Variants in PPP2R2B observed in about 807,000 individuals in gnomAD.
PPP2R2B encodes serine/threonine-protein phosphatase 2A 55 kDa regulatory subunit B beta isoform.
In PPP2R2B, 5 loss-of-function variants were observed where a neutral mutation model predicts 46.0. That is an observed-to-expected ratio of 0.11 (90% CI 0.06 to 0.23). The LOEUF is 0.23. Ranked by LOEUF, PPP2R2B falls within the 10% of genes least tolerant of loss-of-function variation. PPP2R2B has a pLI of 1.00. For synonymous variants in PPP2R2B, 215 were observed against 206.7 expected, an observed-to-expected ratio of 1.04 and a Z score of -0.34; for missense variants, 367 against 575.0, an observed-to-expected ratio of 0.64 and a Z score of 3.70.
At chr5:146,996,517 T>C (rs1183013487) in intron 1 of PPP2R2B, among the ~76,000 whole-genome samples, 4 of 152,106 alleles carry the variant, frequency 2.6e-5, no homozygotes, top group African/African-American at 9.7e-5. Flanking sequence ...CTGTTGGCAC[T>C]AGGCAGCTCC....
intron 2 of PPP2R2B, among the ~76,000 whole-genome samples, chr5:146,806,646 T>A (rs571469917): frequency 6.6e-6 from 1 of 152,286 alleles, no homozygotes; most frequent in African/African-American, 2.4e-5. Flanking sequence ...GGTGCTGTGA[T>A]ATAATGGAAG....
Position 146,946,342 on chromosome 5 carries a change from C to A in PPP2R2B, c.79+109323G>T, listed in dbSNP as rs564454515. 2.6e-5 allele frequency among the ~76,000 whole-genome samples: 4 copies of A among 152,230 alleles called. 1 individual carries two copies. In the South Asian group the frequency reaches 8.3e-4, roughly 32 times the overall value. On this transcript the variant is annotated intron_variant, in intron 1 of 8. Transcript: ENST00000336640. ...CACTGCTTGGAGTATGATAGGACAA[C>A]AGCAAGAGCTCACATGCCAAGTGAT...
In PPP2R2B at chr5:146,934,027, C is replaced by G. The variant is rs1046172115; in HGVS notation, c.79+121638G>C. On this transcript the variant is annotated intron_variant, in intron 1 of 8. Coordinates refer to the PPP2R2B transcript ENST00000336640. The stretch of plus-strand genomic sequence containing the variant: ...GACATGAACTCATCGTTTTTTATGG[C>G]TGCATAGTATTCCATGGTGTATATG... Among the ~76,000 whole-genome samples the G allele has an allele frequency of 8.8e-4, 134 of 152,192 alleles. 2 individuals carry two copies. Among genetic ancestry groups the G allele is most frequent in the African/African-American group, 3.0e-3 (125 of 41,528 alleles).
chr5:146,825,843 C>CT (rs1245567622), intron 2 of PPP2R2B, among the ~76,000 whole-genome samples: 2 of 152,258 alleles, frequency 1.3e-5, no homozygotes, highest in South Asian at 2.1e-4. Flanking sequence ...TATCATGCCA[C>CT]TTTTTTTGTT....
At chr5:146,738,317 ACT>A (rs1387332837) in intron 2 of PPP2R2B, among the ~76,000 whole-genome samples, 7 of 147,740 alleles carry the variant, frequency 4.7e-5, no homozygotes, top group Non-Finnish European at 1.0e-4. Flanking sequence ...AACGGCATGA[ACT>A]TGGGAGGCGG....
intron 1 of PPP2R2B, among the ~76,000 whole-genome samples, chr5:146,893,011 G>A (rs566031516): frequency 5.1e-4 from 78 of 152,224 alleles, no homozygotes; most frequent in African/African-American, 1.9e-3. Context: ...CAAACCCTAT[G>A]CGCAGAAACA....
chr5:146,717,294 G>T (rs894202813), intron 2 of PPP2R2B, among the ~76,000 whole-genome samples: 1 of 152,140 alleles, frequency 6.6e-6, no homozygotes, highest in Non-Finnish European at 1.5e-5. Flanking sequence ...ATACCTCCAA[G>T]GACTCTATTT....
At chr5:146,812,980 T>A (rs146024041) in intron 2 of PPP2R2B, among the ~76,000 whole-genome samples, 3,956 of 149,316 alleles carry the variant, frequency 0.026, 53 homozygotes, top group Middle Eastern at 0.041. Context: ...CAATTCAAGA[T>A]GAGATTTGGG....
intron 1 of PPP2R2B, among the ~76,000 whole-genome samples, chr5:146,923,773 A>G (rs909382533): frequency 3.9e-5 from 6 of 152,214 alleles, no homozygotes; most frequent in African/African-American, 1.4e-4. Flanking sequence ...ATGCACACAT[A>G]TGTTTATTGC....
At chr5:146,872,431 A>G (rs1449385336) in intron 2 of PPP2R2B, among the ~76,000 whole-genome samples, 2 of 152,346 alleles carry the variant, frequency 1.3e-5, no homozygotes, top group Middle Eastern at 3.4e-3. Flanking sequence ...TACCAAAGCA[A>G]CTTAAGGAAC....
chr5:146,735,934 A>C (rs1221001706), intron 2 of PPP2R2B, among the ~76,000 whole-genome samples: 1 of 152,196 alleles, frequency 6.6e-6, no homozygotes, highest in East Asian at 1.9e-4. Context: ...TGATTGCATA[A>C]AATAGACTGT....
At chr5:146,713,601 T>A (rs887910304) in intron 2 of PPP2R2B, among the ~76,000 whole-genome samples, 6 of 152,112 alleles carry the variant, frequency 3.9e-5, no homozygotes, top group African/African-American at 1.4e-4. Flanking sequence ...GGGAAGTGTA[T>A]TGAGATAATC....
chr5:146,741,658 G>A (rs1356113305), intron 2 of PPP2R2B, among the ~76,000 whole-genome samples: 2 of 152,192 alleles, frequency 1.3e-5, no homozygotes, highest in Non-Finnish European at 2.9e-5. Flanking sequence ...AAGAAGGACT[G>A]CGTCACCACC....
chr5:146,929,831 T>C (rs1203626930), intron 1 of PPP2R2B, among the ~76,000 whole-genome samples: 1 of 152,196 alleles, frequency 6.6e-6, no homozygotes, highest in South Asian at 2.1e-4. Context: ...TCTGCTCTTT[T>C]ATCTGTAAAA....
At chr5:146,804,367 G>GT (rs1476649901) in intron 2 of PPP2R2B, among the ~76,000 whole-genome samples, 1 of 152,070 alleles carries the variant, frequency 6.6e-6, no homozygotes, top group Non-Finnish European at 1.5e-5. Flanking sequence ...ACTTGCTCCA[G>GT]GTGTCACTAC....
chr5:146,590,267 T>A lies in PPP2R2B; in HGVS notation c.1053-41A>T, dbSNP rs774270243. 17 of 1,479,450 alleles carry A rather than the reference T, an allele frequency of 1.1e-5. No individual in the cohort carries two copies. The South Asian group carries it at 2.0e-4, about 17-fold the overall frequency. 91.6% of individuals were successfully genotyped at this position (1,479,450 alleles called of 1,614,324 possible). On this transcript the variant is annotated intron_variant, in intron 9 of 9. Coordinates refer to ENST00000394411, the MANE Select transcript of PPP2R2B (RefSeq NM_181675.4). Reference sequence around the variant, plus strand: ...CAAAGGCAATGACATATCTTCACTGTCTTTTCTTTTTGGAGCAAATGATAC... The same window carrying A: ...CAAAGGCAATGACATATCTTCACTGACTTTTCTTTTTGGAGCAAATGATAC...
chr5:146,851,321 CTG>C (rs767148845), intron 2 of PPP2R2B, among the ~76,000 whole-genome samples: 144 of 152,148 alleles, frequency 9.5e-4, no homozygotes, highest in Non-Finnish European at 1.4e-3. Context: ...ATTCCAGGCA[CTG>C]TGTTAGAGCC....
intron 1 of PPP2R2B, among the ~76,000 whole-genome samples, chr5:147,042,273 C>T (rs1756349756): frequency 6.6e-6 from 1 of 152,080 alleles, no homozygotes; most frequent in African/African-American, 2.4e-5. Flanking sequence ...CTAGCCCCTT[C>T]TTCAGGGCCG....
intron 1 of PPP2R2B, among the ~76,000 whole-genome samples, chr5:146,957,652 T>C (rs889769141): frequency 6.6e-6 from 1 of 152,158 alleles, no homozygotes; most frequent in Non-Finnish European, 1.5e-5. Flanking sequence ...CAAATAGTTA[T>C]GTAGGTTGTA....
Sources: allele counts gnomAD v4.1 joint callset (sites outside exome capture counted in the v4.1 genomes callset), GRCh38; gene constraint gnomAD v4.1.1; transcripts MANE v1.5; gene names NCBI Gene and HGNC (gene_info 2026-07-23, HGNC 2026-07-21).